USP34: variants seen among roughly 807,000 people sequenced by gnomAD.
USP34 encodes the protein ubiquitin carboxyl-terminal hydrolase 34.
Under a neutral mutation model 460.3 loss-of-function variants are expected in USP34, and 70 were observed. That is an observed-to-expected ratio of 0.15 (90% CI 0.13 to 0.19). USP34 has a LOEUF of 0.19. Ranked by LOEUF, USP34 falls within the 10% of genes least tolerant of loss-of-function variation. The probability of loss-of-function intolerance (pLI) is 1.00; values close to 1 mark genes in which losing one functional copy is unlikely to be tolerated. For missense variants in USP34, 3,985 were observed against 4,236.2 expected (o/e 0.94, Z 1.65); for synonymous variants, 1,647 against 1,405.3 (o/e 1.17, Z -3.85).
Position 61,405,783 on chromosome 2 carries a change from T to C in USP34, c.477A>G (p.Leu159=), listed in dbSNP as rs17483594. ...WSTDEKEKLL[L]CVAKIFQIQF... ...GAATTTGAAAAATTTTTGCCACACATAGTAAGAGTTTTTCCTTCTCATCTG... is the reference window on the plus strand; with the variant it reads ...GAATTTGAAAAATTTTTGCCACACACAGTAAGAGTTTTTCCTTCTCATCTG... The change falls in exon 3 of 80, where the codon CTA becomes CTG. Residue 159 remains leucine, a synonymous_variant. Coordinates refer to ENST00000398571, the MANE Select transcript of USP34 (RefSeq NM_014709.4). The C allele has an allele frequency of 0.015, 23,463 of 1,608,548 alleles. 208 individuals carry two copies. Among genetic ancestry groups the C allele is most frequent in the Non-Finnish European group, 0.017 (20,402 of 1,178,522 alleles).
In USP34 at chr2:61,426,527, T is replaced by C. The variant is rs79342045; in HGVS notation, c.44-5694A>G. ...TGGAAATGGGAAAAAGAGTGAGAAG[T>C]ACCAGTCCTGTGGTTTGAATGCCAG... On this transcript the variant is annotated intron_variant, in intron 1 of 79. Coordinates refer to ENST00000398571, the MANE Select transcript of USP34 (RefSeq NM_014709.4). Among the ~76,000 whole-genome samples, 122 of 152,112 alleles carry C rather than the reference T, an allele frequency of 8.0e-4. 2 individuals carry two copies. The East Asian group carries it at 0.022, about 27-fold the overall frequency.
intron 2 of USP34, chr2:61,416,827 G>GGGGC (rs1442753677): frequency 2.8e-5 from 11 of 390,956 alleles, no homozygotes; most frequent in African/African-American, 4.4e-5. Context: ...TTTTTGGGGG[G>GGGGC]GGGGACAGGA....
At chr2:61,375,519 C>T (rs1692765526) in intron 8 of USP34, among the ~76,000 whole-genome samples, 1 of 152,062 alleles carries the variant, frequency 6.6e-6, no homozygotes, top group African/African-American at 2.4e-5. Context: ...CCTGTAATCC[C>T]AGCACTTTGG....
intron 1 of USP34, among the ~76,000 whole-genome samples, chr2:61,437,103 T>C (rs1160154200): frequency 4.6e-5 from 7 of 152,056 alleles, no homozygotes. Flanking sequence ...ACTGGAAAGA[T>C]TTCAAACAAC....
chr2:61,231,939 T>C (rs1012154703), intron 58 of USP34, among the ~76,000 whole-genome samples: 7 of 151,138 alleles, frequency 4.6e-5, no homozygotes, highest in African/African-American at 1.5e-4. Context: ...GAAAGTGGCA[T>C]ACGTCAACTA....
At chr2:61,348,697 T>C in intron 14 of USP34, 59 bp downstream of exon 14, 3 of 1,562,238 alleles carry the variant, frequency 1.9e-6, no homozygotes, top group South Asian at 2.4e-5. Flanking sequence ...CCAATTCAAA[T>C]GATAAACACG....
chr2:61,458,775 C>T (rs1272491623), intron 1 of USP34, among the ~76,000 whole-genome samples: 1 of 151,808 alleles, frequency 6.6e-6, no homozygotes, highest in Non-Finnish European at 1.5e-5. Context: ...TTCCATCTTC[C>T]TTAAAATCTT....
At chr2:61,300,789 C>T (rs565688227) in intron 29 of USP34, among the ~76,000 whole-genome samples, 162 bp downstream of exon 29, 1 of 147,354 alleles carries the variant, frequency 6.8e-6, no homozygotes, top group African/African-American at 2.5e-5. Flanking sequence ...GAGTGAGATG[C>T]CGTCTCAAAA....
chr2:61,261,276 A>G (rs2421116), intron 43 of USP34, among the ~76,000 whole-genome samples: 39,818 of 152,190 alleles, frequency 0.26, 5,485 homozygotes, highest in African/African-American at 0.34. Context: ...TGATAAGTGA[A>G]AGAATAAATA....
chr2:61,304,986 C>A (rs945111665), intron 27 of USP34, among the ~76,000 whole-genome samples: 1 of 152,090 alleles, frequency 6.6e-6, no homozygotes, highest in African/African-American at 2.4e-5. Flanking sequence ...TGAAAACACA[C>A]GTCATTTTTC....
chr2:61,355,629 AAC>A (rs1692080005), intron 10 of USP34, among the ~76,000 whole-genome samples: 2 of 151,594 alleles, frequency 1.3e-5, no homozygotes, highest in African/African-American at 4.9e-5. Flanking sequence ...CAACAACAAC[AAC>A]AACAAACAAA....
chr2:61,215,355 A>T (rs1027560702), intron 67 of USP34, among the ~76,000 whole-genome samples: 3 of 152,228 alleles, frequency 2.0e-5, no homozygotes, highest in Non-Finnish European at 2.9e-5. Context: ...AGAATGAGAT[A>T]TACATAAAAG....
chr2:61,382,583 T>C (rs1461674030), intron 6 of USP34, among the ~76,000 whole-genome samples: 1 of 152,164 alleles, frequency 6.6e-6, no homozygotes, highest in Non-Finnish European at 1.5e-5. Context: ...AGTTGAGTAG[T>C]GCTGTGAAAA....
intron 5 of USP34, among the ~76,000 whole-genome samples, chr2:61,390,440 A>C (rs1440523258): frequency 6.6e-6 from 1 of 152,248 alleles, no homozygotes; most frequent in Non-Finnish European, 1.5e-5. Context: ...CTGCATTCGC[A>C]AAGTAAGAAA....
intron 1 of USP34, among the ~76,000 whole-genome samples, chr2:61,449,226 C>A (rs1204551903): frequency 6.8e-6 from 1 of 146,992 alleles, no homozygotes; most frequent in African/African-American, 2.6e-5. Context: ...CACTGTACTG[C>A]AGCCTGGATG....
At chr2:61,365,416 A>T (rs1692406329) in intron 10 of USP34, among the ~76,000 whole-genome samples, 1 of 152,076 alleles carries the variant, frequency 6.6e-6, no homozygotes, top group South Asian at 2.1e-4. Flanking sequence ...TGAACACTTT[A>T]AAAAAAGACA....
intron 5 of USP34, among the ~76,000 whole-genome samples, chr2:61,391,085 C>G (rs896464217): frequency 1.3e-5 from 2 of 151,184 alleles, no homozygotes; most frequent in South Asian, 2.1e-4. Context: ...CAGAGCGAGA[C>G]TCCAGCTCAA....
intron 1 of USP34, among the ~76,000 whole-genome samples, chr2:61,453,024 A>AT (rs1203636964): frequency 2.0e-5 from 3 of 151,616 alleles, no homozygotes; most frequent in South Asian, 2.1e-4. Context: ...AATATCTAAT[A>AT]TTTTTAAAAA....
intron 8 of USP34, among the ~76,000 whole-genome samples, chr2:61,373,211 CTATA>C (rs955983833): frequency 6.6e-6 from 1 of 151,126 alleles, no homozygotes; most frequent in Non-Finnish European, 1.5e-5. Context: ...ACACTAGAAT[CTATA>C]TATATATACT....
Sources: allele counts gnomAD v4.1 joint callset (sites outside exome capture counted in the v4.1 genomes callset), GRCh38; gene constraint gnomAD v4.1.1; transcripts MANE v1.5; gene names NCBI Gene and HGNC (gene_info 2026-07-23, HGNC 2026-07-21).